Variants in ARHGAP18 observed in about 807,000 individuals in gnomAD.
ARHGAP18 encodes rho GTPase-activating protein 18.
Under a neutral mutation model 86.2 loss-of-function variants are expected in ARHGAP18, and 67 were observed. That is an observed-to-expected ratio of 0.78 (90% CI 0.64 to 0.95). The LOEUF is 0.95. ARHGAP18 is among the 40% of genes least tolerant of loss of function. ARHGAP18 has a pLI of 0.00. For synonymous variants in ARHGAP18, 283 were observed against 280.4 expected, an observed-to-expected ratio of 1.01 and a Z score of -0.09; for missense variants, 691 against 780.4, an observed-to-expected ratio of 0.89 and a Z score of 1.37.
chr6:129,607,798 G>A lies in ARHGAP18; in HGVS notation c.1282+95C>T, dbSNP rs1231948417. 35 of 1,334,002 alleles carry A rather than the reference G, an allele frequency of 2.6e-5. 1 individual carries two copies. Among genetic ancestry groups the A allele is most frequent in the South Asian group, 3.8e-5 (2 of 52,350 alleles). 82.6% of individuals were successfully genotyped at this position (1,334,002 alleles called of 1,614,324 possible). ...TGAGTCAATATGTCCACCCAAATAC[G>A]TCTGGTTGCGTTCTTTGTGATGCCA... On this transcript the variant is annotated intron_variant, in intron 9 of 14. Coordinates refer to ENST00000368149, the MANE Select transcript of ARHGAP18 (RefSeq NM_033515.3).
intron 4 of ARHGAP18, among the ~76,000 whole-genome samples, chr6:129,630,847 C>A (rs1247769228): frequency 6.6e-6 from 1 of 152,120 alleles, no homozygotes; most frequent in Non-Finnish European, 1.5e-5. Context: ...CCTGACCTTG[C>A]AAATTACACA....
intron 5 of ARHGAP18, among the ~76,000 whole-genome samples, chr6:129,625,881 T>A (rs1490006844): frequency 2.6e-5 from 2 of 75,784 alleles, no homozygotes; most frequent in Non-Finnish European, 4.6e-5. Flanking sequence ...ATTATATATT[T>A]ATATATTATA....
intron 1 of ARHGAP18, among the ~76,000 whole-genome samples, chr6:129,665,769 T>C (rs559726777): frequency 8.8e-4 from 134 of 152,270 alleles, no homozygotes; most frequent in Middle Eastern, 3.4e-3. Context: ...ATGACCTTGA[T>C]TAAATTGCTT....
intron 1 of ARHGAP18, among the ~76,000 whole-genome samples, chr6:129,661,423 G>C (rs1005427771): frequency 6.7e-6 from 1 of 148,960 alleles, no homozygotes; most frequent in African/African-American, 2.5e-5. Flanking sequence ...ACAGTGGTTT[G>C]CCTTGATAAT....
chr6:129,640,669 A>T lies in ARHGAP18; in HGVS notation c.316+1147T>A, dbSNP rs571899485. On this transcript the variant is annotated intron_variant, in intron 2 of 14. Coordinates refer to ENST00000368149, the MANE Select transcript of ARHGAP18 (RefSeq NM_033515.3). ...AAGCAATGTGTAGCCAAGGAAAAAA[A>T]TCTTATTTATATAGATTTTGCTAGT... 9.2e-5 allele frequency among the ~76,000 whole-genome samples: 14 copies of T among 152,320 alleles called. No homozygotes were observed. The East Asian group carries it at 2.5e-3, about 27-fold the overall frequency.
chr6:129,647,821 T>C (rs1773611886), intron 1 of ARHGAP18, among the ~76,000 whole-genome samples: 1 of 152,184 alleles, frequency 6.6e-6, no homozygotes, highest in Non-Finnish European at 1.5e-5. Flanking sequence ...ACCTATCCCA[T>C]TATTTTCTAG....
intron 1 of ARHGAP18, among the ~76,000 whole-genome samples, chr6:129,659,614 C>T (rs1773909922): frequency 6.6e-6 from 1 of 152,142 alleles, no homozygotes; most frequent in African/African-American, 2.4e-5. Flanking sequence ...ATTACAGGCA[C>T]TCGCCACCAC....
chr6:129,590,764 C>T (rs2114436505), intron 12 of ARHGAP18, among the ~76,000 whole-genome samples: 1 of 152,262 alleles, frequency 6.6e-6, no homozygotes, highest in Middle Eastern at 3.4e-3. Flanking sequence ...CATTCTCTGA[C>T]CACTAGAGAA....
intron 10 of ARHGAP18, among the ~76,000 whole-genome samples, chr6:129,604,422 G>T (rs972079062): frequency 6.6e-6 from 1 of 152,138 alleles, no homozygotes; most frequent in East Asian, 1.9e-4. Context: ...TCATTTGAAT[G>T]TAGGGGTATC....
At chr6:129,649,841 A>G (rs892796492) in intron 1 of ARHGAP18, among the ~76,000 whole-genome samples, 12 of 151,742 alleles carry the variant, frequency 7.9e-5, no homozygotes, top group African/African-American at 2.7e-4. Context: ...GACACAACCA[A>G]TTCATAGGTG....
chr6:129,627,000 G>A (rs996467732), intron 5 of ARHGAP18, among the ~76,000 whole-genome samples: 4 of 151,950 alleles, frequency 2.6e-5, no homozygotes, highest in African/African-American at 9.7e-5. Context: ...TCTACTAAAC[G>A]GAATCAGAGT....
intron 1 of ARHGAP18, among the ~76,000 whole-genome samples, chr6:129,671,906 C>T (rs1209036839): frequency 1.3e-5 from 2 of 152,208 alleles, no homozygotes; most frequent in South Asian, 4.1e-4. Flanking sequence ...AAAACACCCC[C>T]ACAAATTCTC....
chr6:129,709,660 G>A (rs1446445649), intron 1 of ARHGAP18, among the ~76,000 whole-genome samples: 1 of 152,244 alleles, frequency 6.6e-6, no homozygotes, highest in Non-Finnish European at 1.5e-5. Context: ...AACAGTTCCA[G>A]TGGCAGTGCC....
chr6:129,694,778 G>C (rs1774585753), intron 1 of ARHGAP18, among the ~76,000 whole-genome samples: 1 of 152,192 alleles, frequency 6.6e-6, no homozygotes, highest in Non-Finnish European at 1.5e-5. Context: ...TATTGGGTTT[G>C]AAGACATAAA....
intron 1 of ARHGAP18, among the ~76,000 whole-genome samples, chr6:129,653,925 C>T (rs1413876130): frequency 6.6e-6 from 1 of 152,076 alleles, no homozygotes; most frequent in African/African-American, 2.4e-5. Flanking sequence ...TGACTGTAGT[C>T]CCAGCTACTC....
intron 1 of ARHGAP18, among the ~76,000 whole-genome samples, chr6:129,691,593 T>C (rs1774529957): frequency 6.6e-6 from 1 of 152,168 alleles, no homozygotes; most frequent in African/African-American, 2.4e-5. Context: ...AGTGACATTC[T>C]GTATTCGAGC....
chr6:129,710,169 GAC>G lies in ARHGAP18; in HGVS notation c.-35_-34del, dbSNP rs1230315967. 2 of 1,537,060 alleles carry G rather than the reference GAC, an allele frequency of 1.3e-6. No individual in the cohort carries two copies. The highest frequency in any genetic ancestry group is 2.3e-5 in the East Asian group (1 of 44,312). ...GAAGGGACATACTTTCTGCGATCCT[GAC>G]ACAGAGAAGGGGAAAGAAGTTCCTG... On this transcript the variant is annotated 5_prime_UTR_variant, in exon 1 of 15. Transcript: ENST00000368149.
chr6:129,633,389 G>A (rs184024254), intron 4 of ARHGAP18, among the ~76,000 whole-genome samples: 12 of 143,538 alleles, frequency 8.4e-5, no homozygotes, highest in East Asian at 4.0e-4. Context: ...GAGCCAAGAC[G>A]ACGCCACTGC....
At chr6:129,587,663 T>C (rs928482429) in intron 12 of ARHGAP18, among the ~76,000 whole-genome samples, 3 of 152,108 alleles carry the variant, frequency 2.0e-5, no homozygotes, top group African/African-American at 4.8e-5. Context: ...TCATGAGAAC[T>C]CACTCACTAT....
Sources: allele counts gnomAD v4.1 joint callset (sites outside exome capture counted in the v4.1 genomes callset), GRCh38; gene constraint gnomAD v4.1.1; transcripts MANE v1.5; gene names NCBI Gene and HGNC (gene_info 2026-07-23, HGNC 2026-07-21).